Variants in YIF1B observed in about 807,000 individuals in gnomAD.
YIF1B encodes protein YIF1B.
YIF1B carries 24 observed loss-of-function variants against 34.6 expected under a neutral mutation model. The ratio of observed to expected loss-of-function variants is 0.69; its 90% CI spans 0.50 to 0.98. The LOEUF (loss-of-function observed/expected upper bound fraction) is 0.98. Ranked by LOEUF, YIF1B falls within the 50% of genes least tolerant of loss-of-function variation. YIF1B has a pLI of 0.00. For synonymous variants in YIF1B, 186 were observed against 184.8 expected (o/e 1.01, Z -0.05); for missense variants, 368 against 429.4 (o/e 0.86, Z 1.26).
upstream of YIF1B, chr19:38,316,054 GCC>G (rs964532083): frequency 2.7e-5 from 32 of 1,191,658 alleles, no homozygotes; most frequent in Non-Finnish European, 3.3e-5. Flanking sequence ...GACCCCTCCA[GCC>G]CCCCCCTTCA....
In YIF1B at chr19:38,303,957, A is replaced by G. The variant is rs1968870925; in HGVS notation, c.*1395T>C. ...AGGGGCAGCACCTCCCTCTTCAAGA[A>G]CGAGCATCTGAGCTTTTGGGGGAAA... On this transcript the variant is annotated 3_prime_UTR_variant, in exon 8 of 8. Transcript: ENST00000339413. 6.6e-6 allele frequency among the ~76,000 whole-genome samples: 1 copy of G among 152,188 alleles called. No individual in the cohort carries two copies. Among genetic ancestry groups the G allele is most frequent in the South Asian group, 2.1e-4 (1 of 4,834 alleles).
chr19:38,308,183 C>G (rs957990788), intron 5 of YIF1B, among the ~76,000 whole-genome samples: 3 of 152,258 alleles, frequency 2.0e-5, no homozygotes, highest in Admixed American at 6.5e-5. Flanking sequence ...CCTGATCTAG[C>G]CTGGGGGGCA....
At chr19:38,318,468 G>A (rs1004178196), upstream of YIF1B, among the ~76,000 whole-genome samples, 9 of 152,004 alleles carry the variant, frequency 5.9e-5, no homozygotes, top group South Asian at 2.1e-4. Flanking sequence ...ATTTTTTGTC[G>A]AGATGGGGTT....
Position 38,315,878 on chromosome 19 carries a change from G to T in YIF1B, c.40C>A (p.Pro14Thr). 1 of 1,491,812 alleles carries T rather than the reference G, an allele frequency of 6.7e-7. No homozygotes were observed. Among genetic ancestry groups the T allele is most frequent in the Non-Finnish European group, 8.9e-7 (1 of 1,129,870 alleles). 92.4% of individuals were successfully genotyped at this position (1,491,812 alleles called of 1,614,324 possible). Residue 14 changes from proline (P) to threonine (T), a missense_variant, in exon 1 of 8, where the codon CCC (proline) becomes ACC (threonine). This residue lies in a region of YIF1B where 153 missense variants were observed against 156.7 expected (regional missense o/e 0.98). Transcript: ENST00000339413. ...AGLAAAAAGTPRLRKWPSKRR... is the reference protein window; with the variant it reads ...AGLAAAAAGTTRLRKWPSKRR... ...CACGTACGCCACTTACGCAGCCGGG[G>T]CGTCCCCGCAGCCGCCGCCGCCAAG...
chr19:38,314,603 G>A (rs1969464823), intron 1 of YIF1B, among the ~76,000 whole-genome samples: 1 of 151,080 alleles, frequency 6.6e-6, no homozygotes, highest in East Asian at 2.0e-4. Context: ...GGCCAAGGCA[G>A]GTGGATCACC....
rs371785520 is a variant in YIF1B, at chr19:38,309,613, G to A, written c.89C>T (p.Pro30Leu). 97 of 1,599,494 alleles carry A rather than the reference G, an allele frequency of 6.1e-5. No individual in the cohort carries two copies. Among genetic ancestry groups the A allele is most frequent in the Non-Finnish European group, 7.4e-5 (87 of 1,173,876 alleles). The change falls in exon 2 of 8, where the codon CCG (proline) becomes CTG (leucine). Residue 30 changes from proline to leucine, a missense_variant. By Grantham distance (98) the Pro-to-Leu change is moderately conservative (BLOSUM62 -3). Around this residue, in one of 3 missense-constraint regions of YIF1B, gnomAD observed 153 missense variants for 156.7 expected, o/e 0.98. Transcript: ENST00000339413. ...AAGCTGGTGGGGGTCGGCCATGCCC[G>A]GCTGGGACACAGGGATCCTCCGCTT... The part of the protein sequence containing the change: ...PSKRRIPVSQ[P>L]GMADPHQLFD...
Position 38,308,801 on chromosome 19 carries a change from G to C in YIF1B, c.530C>G (p.Thr177Ser). The C allele has an allele frequency of 6.2e-7, 1 of 1,613,828 alleles. No homozygotes were observed. The highest frequency in any genetic ancestry group is 1.1e-5 in the South Asian group (1 of 91,082). Residue 177 changes from threonine to serine, a missense_variant, in exon 5 of 8, where the codon ACC becomes AGC. Coordinates refer to ENST00000339413, the MANE Select transcript of YIF1B (RefSeq NM_001039672.3). Reference protein sequence around the residue: ...YVLVAGLALGTQDRFSPDLLG... With the variant: ...YVLVAGLALGSQDRFSPDLLG... ...CCCAGGCCTCCCTTACCTATCCTGG[G>C]TCCCCAGCGCAAGACCAGCCACCAA... is the stretch of plus-strand genomic sequence containing the variant.
chr19:38,316,846 A>G (rs562103866), upstream of YIF1B, among the ~76,000 whole-genome samples: 104 of 152,072 alleles, frequency 6.8e-4, no homozygotes, highest in Non-Finnish European at 1.3e-3. Flanking sequence ...TTTTTTGTCA[A>G]AACAGGATCT....
In YIF1B at chr19:38,307,875, G is replaced by A. The variant is rs529136430; in HGVS notation, c.540-123C>T. On this transcript the variant is annotated intron_variant, in intron 5 of 7. Transcript: ENST00000339413. ...CTGGCAGTGACCAAGATGGATGTGC[G>A]CGCTATCCTATTCCCACGGAAATCC... 665 of 1,270,012 alleles carry A rather than the reference G, an allele frequency of 5.2e-4. 1 individual carries two copies. The highest frequency in any genetic ancestry group is 6.3e-4 in the Non-Finnish European group (583 of 927,422). 78.7% of individuals were successfully genotyped at this position (1,270,012 alleles called of 1,614,324 possible). A position where few individuals can be genotyped will look rare whatever the true frequency, so the allele number is the denominator to read the frequency against.
chr19:38,314,909 A>G (rs1230687346), intron 1 of YIF1B, among the ~76,000 whole-genome samples: 2 of 151,900 alleles, frequency 1.3e-5, no homozygotes, highest in African/African-American at 4.8e-5. Context: ...CAGCACGCCC[A>G]GCCTGCCCTC....
chr19:38,315,070 C>A (rs981974292), intron 1 of YIF1B, among the ~76,000 whole-genome samples: 1 of 151,844 alleles, frequency 6.6e-6, no homozygotes, highest in African/African-American at 2.4e-5. Context: ...ACCAGCTTGA[C>A]CAACATGGAG....
At position 38,309,943 on chromosome 19, in the gene YIF1B, TCTATCCATCTAA is replaced by T. The variant is rs1969245000; in HGVS notation, c.59-312_59-301del. 2.8e-5 allele frequency: 22 copies of T among 785,278 alleles called. No individual in the cohort carries two copies. The Admixed American group carries it at 6.5e-4, about 23-fold the overall frequency. 48.6% of individuals were successfully genotyped at this position (785,278 alleles called of 1,614,324 possible). ...TCCCACTCACCCACCCATCCATCCA[TCTATCCATCTAA>T]CCATCCATCCATCCATCCATTCATC... On this transcript the variant is annotated intron_variant, in intron 1 of 7. Coordinates refer to ENST00000339413, the MANE Select transcript of YIF1B (RefSeq NM_001039672.3).
chr19:38,318,444 TG>T (rs970968604), upstream of YIF1B, among the ~76,000 whole-genome samples: 1 of 151,978 alleles, frequency 6.6e-6, no homozygotes, highest in African/African-American at 2.4e-5. Context: ...CCACCACACT[TG>T]GCTAATTTTT....
At position 38,304,947 on chromosome 19, in the gene YIF1B, A is replaced by AGAAGGGCAAGAAGG. The variant is rs749632171; in HGVS notation, c.*404_*405insCCTTCTTGCCCTTC. On this transcript the variant is annotated 3_prime_UTR_variant, in exon 8 of 8. Coordinates refer to ENST00000339413, the MANE Select transcript of YIF1B (RefSeq NM_001039672.3). ...GGGCAAGAAGGAGAAGGGCAAGAAG[A>AGAAGGGCAAGAAGG]AGGAGGCTCCCCACTGAAGGGCCCT... 3 of 1,471,816 alleles carry AGAAGGGCAAGAAGG rather than the reference A, an allele frequency of 2.0e-6. No individual in the cohort carries two copies. The highest frequency in any genetic ancestry group is 1.3e-5 in the South Asian group (1 of 77,896). The allele number at this position is 1,471,816 out of a possible 1,614,324, so 91.2% of individuals were successfully genotyped here. A position where few individuals can be genotyped will look rare whatever the true frequency, so the allele number is the denominator to read the frequency against.
chr19:38,306,135 C>T (rs540364235), intron 7 of YIF1B, among the ~76,000 whole-genome samples: 76 of 131,752 alleles, frequency 5.8e-4, no homozygotes, highest in Admixed American at 1.5e-3. Flanking sequence ...ACCCAAGAGG[C>T]GGAGGTTGCA....
upstream of YIF1B, chr19:38,316,054 GCCCCC>G: frequency 8.4e-7 from 1 of 1,190,910 alleles, no homozygotes; most frequent in South Asian, 2.3e-5. Flanking sequence ...GACCCCTCCA[GCCCCC>G]CCCTTCACGG....
Position 38,305,425 on chromosome 19 carries a change from A to G in YIF1B, c.872T>C (p.Met291Thr), listed in dbSNP as rs1968966611. The G allele has an allele frequency of 2.5e-6, 4 of 1,611,106 alleles. No homozygotes were observed. The highest frequency in any genetic ancestry group is 2.2e-5 in the East Asian group (1 of 44,824). The part of the protein sequence containing the change: ...PVRGARNQLR[M>T]YLTMAVAAAQ... ...CGCCGCCACCGCCATGGTCAGGTAC[A>G]TGCGCAGCTGGTTCCGGGCCCCACG... Residue 291 changes from methionine (M) to threonine (T), a missense_variant, in exon 8 of 8, where the codon ATG (methionine) becomes ACG (threonine). By Grantham distance (81) the Met-to-Thr change is moderately conservative. Around this residue, in one of 3 missense-constraint regions of YIF1B, gnomAD observed 208 missense variants for 247.8 expected, o/e 0.84. Transcript: ENST00000339413.
At chr19:38,306,861 T>G in intron 7 of YIF1B, 1 of 403,254 alleles carries the variant, frequency 2.5e-6, no homozygotes, top group Admixed American at 3.1e-5. Context: ...TTTTGTATTT[T>G]TAGTAGAGAT....
In YIF1B at chr19:38,306,958, A is replaced by G. The variant is rs778763323; in HGVS notation, c.789+470T>C. The G allele has an allele frequency of 4.2e-5, 20 of 471,252 alleles. No individual in the cohort carries two copies. The highest frequency in any genetic ancestry group is 3.3e-4 in the Middle Eastern group (1 of 3,076). 29.2% of individuals were successfully genotyped at this position (471,252 alleles called of 1,614,324 possible). On this transcript the variant is annotated intron_variant, in intron 7 of 7. Coordinates refer to ENST00000339413, the MANE Select transcript of YIF1B (RefSeq NM_001039672.3). Reference sequence around the variant, plus strand: ...GGCCTCCCAAAGTGCTGGGATTACAAGCATGAGCCACCGCGCCCGGCAAAA... The same window carrying G: ...GGCCTCCCAAAGTGCTGGGATTACAGGCATGAGCCACCGCGCCCGGCAAAA...
Sources: allele counts gnomAD v4.1 joint callset (sites outside exome capture counted in the v4.1 genomes callset), GRCh38; gene constraint gnomAD v4.1.1; regional missense constraint gnomAD v4.1.1; transcripts MANE v1.5; gene names NCBI Gene and HGNC (gene_info 2026-07-23, HGNC 2026-07-21).